Variants in ALKBH3 observed in about 807,000 individuals in gnomAD.
ALKBH3 encodes the protein alpha-ketoglutarate-dependent dioxygenase alkB homolog 3.
In ALKBH3, 51 loss-of-function variants were observed where a neutral mutation model predicts 43.9. The observed-to-expected ratio is 1.16, with a 90% CI of 0.93 to 1.47. The LOEUF is 1.47. Ranked by LOEUF, ALKBH3 falls within the 40% of genes most tolerant of loss-of-function variation. The pLI is 0.00. For synonymous variants in ALKBH3, 102 were observed against 115.2 expected, an observed-to-expected ratio of 0.89 and a Z score of 0.73; for missense variants, 361 against 351.9, an observed-to-expected ratio of 1.03 and a Z score of -0.21.
At chr11:43,894,587 A>G (rs1289046410) in intron 7 of ALKBH3, among the ~76,000 whole-genome samples, 2 of 152,164 alleles carry the variant, frequency 1.3e-5, no homozygotes, top group African/African-American at 4.8e-5. Context: ...CACAAACTTT[A>G]TGCTATCTCA....
At chr11:43,902,161 T>C (rs1951868178) in intron 8 of ALKBH3, among the ~76,000 whole-genome samples, 1 of 152,206 alleles carries the variant, frequency 6.6e-6, no homozygotes, top group Non-Finnish European at 1.5e-5. Flanking sequence ...TTAAGTGTTC[T>C]TCATGGTAAT....
At chr11:43,903,574 C>T (rs1364714664) in intron 8 of ALKBH3, among the ~76,000 whole-genome samples, 2 of 152,156 alleles carry the variant, frequency 1.3e-5, no homozygotes, top group East Asian at 1.9e-4. Flanking sequence ...AGCACTGCGC[C>T]TTCCTCCTAG....
intron 7 of ALKBH3, chr11:43,898,383 C>T (rs1358822092): frequency 1.4e-5 from 10 of 697,242 alleles, no homozygotes; most frequent in South Asian, 4.9e-5. Context: ...CTACCTGGGC[C>T]GTTCCACAGG....
At chr11:43,898,985 G>T (rs985369254) in intron 7 of ALKBH3, 2 of 753,738 alleles carry the variant, frequency 2.7e-6, no homozygotes, top group African/African-American at 3.4e-5. Context: ...TCAAGCTCTG[G>T]ACTGAGACCA....
intron 8 of ALKBH3, chr11:43,910,042 C>T (rs1428373935): frequency 6.6e-6 from 1 of 152,248 alleles, no homozygotes; most frequent in Admixed American, 6.5e-5. Flanking sequence ...TGCATCACCT[C>T]TGTGTGTGAA....
chr11:43,909,760 C>T (rs1282794302), intron 8 of ALKBH3: 2 of 152,204 alleles, frequency 1.3e-5, no homozygotes, highest in African/African-American at 2.4e-5. Flanking sequence ...ATCTCTTTTA[C>T]CTATTACCAT....
chr11:43,898,829 A>T, intron 7 of ALKBH3: 1 of 766,304 alleles, frequency 1.3e-6, no homozygotes, highest in Non-Finnish European at 2.4e-6. Flanking sequence ...GCAGGAAATG[A>T]CTACCAGGGT....
At chr11:43,887,203 C>T (rs540903008) in intron 5 of ALKBH3, among the ~76,000 whole-genome samples, 41 of 152,290 alleles carry the variant, frequency 2.7e-4, no homozygotes, top group Admixed American at 1.8e-3. Context: ...ATTAGTATTT[C>T]TAGCATCAAA....
At chr11:43,886,296 C>A (rs1284154290) in intron 4 of ALKBH3, among the ~76,000 whole-genome samples, 1 of 152,138 alleles carries the variant, frequency 6.6e-6, no homozygotes, top group Non-Finnish European at 1.5e-5. Context: ...CTATTTGAAA[C>A]CTCTTTGTGC....
At chr11:43,884,292 A>T (rs1368257933) in intron 4 of ALKBH3, among the ~76,000 whole-genome samples, 1 of 152,058 alleles carries the variant, frequency 6.6e-6, no homozygotes, top group Non-Finnish European at 1.5e-5. Flanking sequence ...TGTAGACAGT[A>T]AGCTAAACCT....
intron 7 of ALKBH3, among the ~76,000 whole-genome samples, chr11:43,897,014 T>A (rs967513832): frequency 5.9e-5 from 9 of 152,044 alleles, no homozygotes; most frequent in Non-Finnish European, 1.0e-4. Context: ...CAATCCTAGA[T>A]CACTGCAGCC....
chr11:43,899,872 GAAAAAAA>G (rs10636253), intron 7 of ALKBH3, among the ~76,000 whole-genome samples: 6 of 121,946 alleles, frequency 4.9e-5, no homozygotes. Flanking sequence ...GTGGTCTCAG[GAAAAAAA>G]AAAAAAAAAA....
At chr11:43,907,383 T>C (rs1007754494) in intron 8 of ALKBH3, among the ~76,000 whole-genome samples, 3 of 152,120 alleles carry the variant, frequency 2.0e-5, no homozygotes, top group African/African-American at 7.2e-5. Context: ...TGGGAATAAT[T>C]GATTTTTGCA....
intron 8 of ALKBH3, chr11:43,909,703 A>G (rs1951922627): frequency 6.6e-6 from 1 of 152,190 alleles, no homozygotes; most frequent in South Asian, 2.1e-4. Context: ...CATCCTTATC[A>G]AGCACCTCCA....
chr11:43,916,190 G>A (rs762790832), intron 8 of ALKBH3, among the ~76,000 whole-genome samples: 1 of 152,134 alleles, frequency 6.6e-6, no homozygotes, highest in Non-Finnish European at 1.5e-5. Context: ...CCATCTGTTG[G>A]ATGGTTAATA....
chr11:43,906,792 T>A (rs1951899181), intron 8 of ALKBH3, among the ~76,000 whole-genome samples: 1 of 152,220 alleles, frequency 6.6e-6, no homozygotes, highest in Non-Finnish European at 1.5e-5. Flanking sequence ...TCTAATGAAA[T>A]TTTAAAAATT....
intron 7 of ALKBH3, chr11:43,898,466 T>G: frequency 1.1e-6 from 1 of 919,194 alleles, no homozygotes; most frequent in South Asian, 1.3e-5. Context: ...ATGCTCAGGC[T>G]GGGGCAGATG....
intron 6 of ALKBH3, among the ~76,000 whole-genome samples, chr11:43,891,620 T>C (rs542203315): frequency 6.6e-6 from 1 of 152,308 alleles, no homozygotes; most frequent in South Asian, 2.1e-4. Flanking sequence ...TTACACAACA[T>C]TGCACACATG....
intron 6 of ALKBH3, among the ~76,000 whole-genome samples, chr11:43,891,675 A>G (rs180991421): frequency 3.3e-5 from 5 of 151,186 alleles, no homozygotes; most frequent in South Asian, 2.1e-4. Flanking sequence ...TGGTGCCACA[A>G]ATTTCTGCAG....
Sources: gnomAD v4.1 joint callset for allele counts (sites outside exome capture counted in the v4.1 genomes callset) on GRCh38, gnomAD v4.1.1 for gene constraint, MANE v1.5 for transcripts, NCBI Gene and HGNC (gene_info 2026-07-23, HGNC 2026-07-21) for gene names.